PCDHGA3: variants seen among roughly 807,000 people sequenced by gnomAD.
PCDHGA3 encodes protocadherin gamma-A3.
PCDHGA3 carries 40 observed loss-of-function variants against 58.5 expected under a neutral mutation model. The ratio of observed to expected loss-of-function variants is 0.68; its 90% CI spans 0.53 to 0.89. The LOEUF (loss-of-function observed/expected upper bound fraction) is 0.89, where lower values mean the gene tolerates loss of function less well. PCDHGA3 is among the 40% of genes least tolerant of loss of function. The pLI, the probability that PCDHGA3 is intolerant of heterozygous loss-of-function variation, is 0.00. For synonymous variants in PCDHGA3, 530 were observed against 525.7 expected, an observed-to-expected ratio of 1.01 and a Z score of -0.11; for missense variants, 1,223 against 1,195.9, an observed-to-expected ratio of 1.02 and a Z score of -0.33.
At chr5:141,376,367 G>A in intron 1 of PCDHGA3, 1 of 1,614,224 alleles carries the variant, frequency 6.2e-7, no homozygotes, top group Non-Finnish European at 8.5e-7. Context: ...ACTCACTGCA[G>A]ACTCGCGTAA....
intron 1 of PCDHGA3, chr5:141,359,904 T>C (rs1246134687): frequency 3.7e-5 from 15 of 410,546 alleles, no homozygotes; most frequent in Admixed American, 4.0e-5. Context: ...TGACAAGCCA[T>C]TAGTGCAGTT....
chr5:141,423,058 A>T (rs1235938743), intron 1 of PCDHGA3: 1 of 1,614,022 alleles, frequency 6.2e-7, no homozygotes, highest in Non-Finnish European at 8.5e-7. Context: ...TCGCCTGCTT[A>T]AGGCCAGCGA....
chr5:141,450,650 C>G (rs1220350105), intron 1 of PCDHGA3, among the ~76,000 whole-genome samples: 1 of 151,618 alleles, frequency 6.6e-6, no homozygotes, highest in Non-Finnish European at 1.5e-5. Context: ...CCATGCCTGG[C>G]TAATTTTTGT....
chr5:141,408,667 C>T, intron 1 of PCDHGA3: 1 of 1,613,954 alleles, frequency 6.2e-7, no homozygotes, highest in Non-Finnish European at 8.5e-7. Flanking sequence ...TATCGCTTGA[C>T]CCTGCCACGG....
chr5:141,493,336 A>G lies in PCDHGA3; in HGVS notation c.2425-1471A>G, dbSNP rs1049621539. Among the ~76,000 whole-genome samples, 4 of 152,202 alleles carry G rather than the reference A, an allele frequency of 2.6e-5. No homozygotes were observed. Among genetic ancestry groups the G allele is most frequent in the African/African-American group, 9.7e-5 (4 of 41,450 alleles). On this transcript the variant is annotated intron_variant, in intron 1 of 3. Transcript: ENST00000253812. The surrounding 1 kb of genome is among the most constrained non-coding windows in gnomAD (Gnocchi z 4.3). ...GAGATTCTAACCCCTGTCTAACTCC[A>G]GAATGTGTGCTTTTAATTTCTTGGC...
At chr5:141,376,226 A>G in intron 1 of PCDHGA3, 2 of 1,614,202 alleles carry the variant, frequency 1.2e-6, no homozygotes, top group Non-Finnish European at 1.7e-6. Flanking sequence ...GCTGGCGCTC[A>G]GACTGCAGCG....
intron 1 of PCDHGA3, among the ~76,000 whole-genome samples, chr5:141,349,210 C>T (rs938368457): frequency 1.3e-5 from 2 of 149,632 alleles, no homozygotes; most frequent in African/African-American, 5.0e-5. Context: ...GCTGGCGTTA[C>T]AGGTACCCGC....
Position 141,352,980 on chromosome 5 carries a change from C to T in PCDHGA3, c.2424+6523C>T, listed in dbSNP as rs185018793. 1.3e-3 allele frequency among the ~76,000 whole-genome samples: 196 copies of T among 152,226 alleles called. 1 individual carries two copies. Among genetic ancestry groups the T allele is most frequent in the Non-Finnish European group, 2.3e-3 (154 of 68,014 alleles). On this transcript the variant is annotated intron_variant, in intron 1 of 3. Transcript: ENST00000253812. ...TCCAGCCTGGGTGATGGGAGGGAAACTGTCTAAAAAAACAAACAAACAAAA... is the reference window on the plus strand; with the variant it reads ...TCCAGCCTGGGTGATGGGAGGGAAATTGTCTAAAAAAACAAACAAACAAAA...
rs756857668 is a variant in PCDHGA3, at chr5:141,389,399, A to C, written c.2424+42942A>C. ...GGGAGCTGTCATCCTACGTGTCCAT[A>C]AGCGCGGAGAGCGGGGTGGTGTTCG... On this transcript the variant is annotated intron_variant, in intron 1 of 3. Coordinates refer to ENST00000253812, the MANE Select transcript of PCDHGA3 (RefSeq NM_018916.4). 67 of 1,613,528 alleles carry C rather than the reference A, an allele frequency of 4.2e-5. 1 individual carries two copies. Among genetic ancestry groups the C allele is most frequent in the South Asian group, 5.5e-5 (5 of 91,094 alleles).
intron 1 of PCDHGA3, among the ~76,000 whole-genome samples, chr5:141,488,544 C>G (rs1225754325): frequency 6.6e-6 from 1 of 152,166 alleles, no homozygotes; most frequent in African/African-American, 2.4e-5. Flanking sequence ...AGTCCCATGT[C>G]AGCTGACATT....
intron 1 of PCDHGA3, chr5:141,391,782 T>C (rs2092421963): frequency 6.6e-6 from 1 of 152,222 alleles, no homozygotes; most frequent in African/African-American, 2.4e-5. Flanking sequence ...GTCATTACTT[T>C]TTGCAGTTTT....
intron 1 of PCDHGA3, among the ~76,000 whole-genome samples, chr5:141,465,347 G>A (rs2099101721): frequency 6.6e-6 from 1 of 151,938 alleles, no homozygotes; most frequent in South Asian, 2.1e-4. Context: ...GGTTACTGAA[G>A]AAAAAATGGG....
intron 1 of PCDHGA3, chr5:141,367,575 T>C (rs1765237338): frequency 7.4e-6 from 1 of 135,240 alleles, no homozygotes. Context: ...TAAATAAATA[T>C]CAGAAAAGTA....
chr5:141,400,003 C>T, intron 1 of PCDHGA3: 5 of 1,612,396 alleles, frequency 3.1e-6, no homozygotes, highest in Non-Finnish European at 4.2e-6. Flanking sequence ...GCGCACAGCG[C>T]GTGCCTTGGG....
chr5:141,476,142 G>T lies in PCDHGA3; in HGVS notation c.2425-18665G>T. 6.2e-7 allele frequency: 1 copy of T among 1,610,446 alleles called. No individual in the cohort carries two copies. Among genetic ancestry groups the T allele is most frequent in the South Asian group, 1.1e-5 (1 of 90,868 alleles). On this transcript the variant is annotated intron_variant, in intron 1 of 3. Coordinates refer to ENST00000253812, the MANE Select transcript of PCDHGA3 (RefSeq NM_018916.4). The surrounding 1 kb of genome is among the most constrained non-coding windows in gnomAD (Gnocchi z 7.6). Reference sequence around the variant, plus strand: ...ATGGTCCCAGAGGCCTGGAGGAGCGGACTGGTAAGCACCGGGAGGGTAGTG... The same window carrying T: ...ATGGTCCCAGAGGCCTGGAGGAGCGTACTGGTAAGCACCGGGAGGGTAGTG...
At chr5:141,375,769 C>G in intron 1 of PCDHGA3, 2 of 1,614,238 alleles carry the variant, frequency 1.2e-6, no homozygotes, top group Non-Finnish European at 1.7e-6. Context: ...CGCCCGAGAT[C>G]CTGTACCCCG....
chr5:141,409,007 C>T, intron 1 of PCDHGA3: 1 of 1,613,932 alleles, frequency 6.2e-7, no homozygotes, highest in Non-Finnish European at 8.5e-7. Context: ...AGCCACTGAC[C>T]AGGATGAGGG....
In PCDHGA3 at chr5:141,357,783, T is replaced by G. The variant is rs148673110; in HGVS notation, c.2424+11326T>G. 4.8e-3 allele frequency: 4,076 copies of G among 849,618 alleles called. 24 individuals carry two copies. The highest frequency in any genetic ancestry group is 0.011 in the Admixed American group (355 of 33,800). 52.6% of individuals were successfully genotyped at this position (849,618 alleles called of 1,614,324 possible). A position where few individuals can be genotyped will look rare whatever the true frequency, so the allele number is the denominator to read the frequency against. ...ATGACCTTCCAATAATGATCAACAG[T>G]ATTTACCACACAAAAATGTTGTTTA... On this transcript the variant is annotated intron_variant, in intron 1 of 3. Transcript: ENST00000253812.
At position 141,486,254 on chromosome 5, in the gene PCDHGA3, G is replaced by A. The variant is rs2099626723; in HGVS notation, c.2425-8553G>A. ...GACCTCAGAGCTTGGAACCCTCCCCGAGAGTGCAGAACCTGGCACTGTGGT... is the reference window on the plus strand; with the variant it reads ...GACCTCAGAGCTTGGAACCCTCCCCAAGAGTGCAGAACCTGGCACTGTGGT... On this transcript the variant is annotated intron_variant, in intron 1 of 3. Transcript: ENST00000253812. This position sits in a 1 kb window ranked among gnomAD's most constrained non-coding sequence, Gnocchi z 5.0. The A allele has an allele frequency of 1.2e-6, 2 of 1,613,992 alleles. No individual in the cohort carries two copies. Among genetic ancestry groups the A allele is most frequent in the Non-Finnish European group, 1.7e-6 (2 of 1,179,982 alleles).
Sources: allele counts gnomAD v4.1 joint callset (sites outside exome capture counted in the v4.1 genomes callset), GRCh38; gene constraint gnomAD v4.1.1; non-coding constraint Gnocchi (gnomAD v3.1); transcripts MANE v1.5; gene names NCBI Gene and HGNC (gene_info 2026-07-23, HGNC 2026-07-21).